The following ZFYVE28 variants were observed in gnomAD, a reference collection of about 807,000 sequenced individuals.
ZFYVE28 encodes zinc finger FYVE-type containing 28, also known as lateral signaling target protein 2 homolog.
A neutral mutation model predicts 82.1 loss-of-function variants in ZFYVE28; 40 were observed. The ratio of observed to expected loss-of-function variants is 0.49; its 90% CI spans 0.38 to 0.63. ZFYVE28 has a LOEUF of 0.63. ZFYVE28 is among the 30% of genes least tolerant of loss of function. ZFYVE28 has a pLI of 0.00. For missense variants in ZFYVE28, 1,321 were observed against 1,242.1 expected (o/e 1.06, Z -0.96); for synonymous variants, 612 against 546.1 (o/e 1.12, Z -1.68).
intron 7 of ZFYVE28, among the ~76,000 whole-genome samples, chr4:2,314,210 A>G (rs1008740901): frequency 5.3e-5 from 8 of 152,316 alleles, no homozygotes; most frequent in East Asian, 1.9e-4. Context: ...GATAAATATA[A>G]CTACAACAAC....
intron 2 of ZFYVE28, among the ~76,000 whole-genome samples, chr4:2,351,836 T>C (rs1297186388): frequency 6.6e-6 from 1 of 152,238 alleles, no homozygotes; most frequent in Non-Finnish European, 1.5e-5. Flanking sequence ...TGGGGTTGGA[T>C]TAATTTGTAG....
chr4:2,406,775 G>C (rs1046474239), intron 1 of ZFYVE28: 1 of 152,252 alleles, frequency 6.6e-6, no homozygotes, highest in South Asian at 2.1e-4. Context: ...TACAGCTTTA[G>C]TTTTTGCTTT....
Position 2,372,013 on chromosome 4 carries a change from G to T in ZFYVE28, c.40-17940C>A, listed in dbSNP as rs762844. ...AACTATGACAGTGATGGAGCTGGGGGCTGGCAGGGGTGCAAGGCCATGCAC... is the reference window on the plus strand; with the variant it reads ...AACTATGACAGTGATGGAGCTGGGGTCTGGCAGGGGTGCAAGGCCATGCAC... On this transcript the variant is annotated intron_variant, in intron 1 of 12. Transcript: ENST00000290974. This position sits in a 1 kb window ranked among gnomAD's most constrained non-coding sequence, Gnocchi z 5.2. Among the ~76,000 whole-genome samples, 99,164 of 152,072 alleles carry T rather than the reference G, an allele frequency of 0.65. 32,642 individuals carry two copies. Among genetic ancestry groups the T allele is most frequent in the East Asian group, 0.8 (4,112 of 5,152 alleles).
At chr4:2,342,838 C>T (rs1723014440) in intron 2 of ZFYVE28, 1 of 152,084 alleles carries the variant, frequency 6.6e-6, no homozygotes, top group Non-Finnish European at 1.5e-5. Flanking sequence ...AAAACTGGAA[C>T]CAATGGGAAA....
chr4:2,344,832 A>T (rs1297820228), intron 2 of ZFYVE28, among the ~76,000 whole-genome samples: 1 of 151,284 alleles, frequency 6.6e-6, no homozygotes, highest in African/African-American at 2.4e-5. Flanking sequence ...GGAGGTGGAG[A>T]TTGCGGTGAG....
intron 8 of ZFYVE28, chr4:2,285,872 C>T (rs1450375073): frequency 2.0e-5 from 3 of 149,624 alleles, no homozygotes; most frequent in Non-Finnish European, 4.4e-5. Flanking sequence ...CTGTGGTCCC[C>T]ACAGGCAGGC....
chr4:2,274,068 T>C lies in ZFYVE28; in HGVS notation c.2200A>G (p.Ile734Val). 6.2e-7 allele frequency: 1 copy of C among 1,613,998 alleles called. No individual in the cohort carries two copies. Among genetic ancestry groups the C allele is most frequent in the Non-Finnish European group, 8.5e-7 (1 of 1,179,968 alleles). Reference protein sequence around the residue: ...HDLIHRLFVCISGVADQLQTN... With the variant: ...HDLIHRLFVCVSGVADQLQTN... ...TCAGGCCCTGACATGACACCTGAAA[T>C]GCAGACGAACAGGCGGTGGATGAGG... Residue 734 changes from isoleucine to valine, a missense_variant, in exon 9 of 13, where the codon ATT becomes GTT. Around this residue, in one of 2 missense-constraint regions of ZFYVE28, gnomAD observed 978 missense variants for 833.7 expected, o/e 1.17. Coordinates refer to ENST00000290974, the MANE Select transcript of ZFYVE28 (RefSeq NM_020972.3).
intron 2 of ZFYVE28, among the ~76,000 whole-genome samples, chr4:2,353,679 G>A (rs1357216373): frequency 1.3e-5 from 2 of 151,894 alleles, no homozygotes; most frequent in East Asian, 1.9e-4. Flanking sequence ...TGCTCACTCC[G>A]CACCCCCTGC....
chr4:2,297,770 A>C (rs1186445122), intron 8 of ZFYVE28, among the ~76,000 whole-genome samples: 2 of 151,542 alleles, frequency 1.3e-5, no homozygotes, highest in African/African-American at 4.9e-5. Flanking sequence ...ACAGTGACAC[A>C]GTGACACGGC....
At chr4:2,322,844 C>T (rs1016529974) in intron 6 of ZFYVE28, among the ~76,000 whole-genome samples, 10 of 152,168 alleles carry the variant, frequency 6.6e-5, no homozygotes, top group African/African-American at 9.7e-5. Context: ...TCACATAATA[C>T]GTGACCTTTG....
At chr4:2,368,226 A>AAAAAAAAAAC (rs1553856593) in intron 1 of ZFYVE28, among the ~76,000 whole-genome samples, 10 of 150,190 alleles carry the variant, frequency 6.7e-5, no homozygotes, top group African/African-American at 2.5e-4. Context: ...AAAAAAAAAA[A>AAAAAAAAAAC]AAAACACTGT....
intron 7 of ZFYVE28, among the ~76,000 whole-genome samples, chr4:2,308,675 A>AAGAAAG (rs1200372952): frequency 1.1e-5 from 1 of 93,146 alleles, no homozygotes; most frequent in Non-Finnish European, 2.3e-5. Context: ...GAAAGAAAGA[A>AAGAAAG]AGAGAAAGAA....
rs967352106 is a variant in ZFYVE28, at chr4:2,341,837, T to C, written c.181-222A>G. ...GAGTTTGAGACCAGCCTGGCCAACA[T>C]GGCGAAACCCCATCTCTACTAAAAA... On this transcript the variant is annotated intron_variant, in intron 2 of 12. Transcript: ENST00000290974. The surrounding 1 kb of genome is among the most constrained non-coding windows in gnomAD (Gnocchi z 4.5). 1.7e-4 allele frequency among the ~76,000 whole-genome samples: 26 copies of C among 152,158 alleles called. No individual in the cohort carries two copies. Among genetic ancestry groups the C allele is most frequent in the Non-Finnish European group, 3.1e-4 (21 of 68,026 alleles).
rs532995191 is a variant in ZFYVE28, at chr4:2,304,714, G to A, written c.1626C>T (p.Ala542=). ...ATQEAASEPV[A]EGMDGGPHKL... ...TGTGGGGGCCGCCATCCATCCCCTC[G>A]GCCACGGGCTCCGAGGCGGCCTCCT... is the stretch of plus-strand genomic sequence containing the variant. Residue 542 remains alanine, a synonymous_variant, in exon 8 of 13, where the codon GCC becomes GCT. Transcript: ENST00000290974. The A allele has an allele frequency of 1.1e-4, 176 of 1,612,640 alleles. No homozygotes were observed. Among genetic ancestry groups the A allele is most frequent in the East Asian group, 7.4e-4 (33 of 44,882 alleles).
At chr4:2,355,968 C>T (rs1314093763) in intron 1 of ZFYVE28, among the ~76,000 whole-genome samples, 2 of 152,226 alleles carry the variant, frequency 1.3e-5, no homozygotes, top group East Asian at 1.9e-4. Flanking sequence ...AGTTCGAATG[C>T]GCTGGCCGTG....
At chr4:2,388,499 T>C (rs1425087907) in intron 1 of ZFYVE28, among the ~76,000 whole-genome samples, 2 of 152,142 alleles carry the variant, frequency 1.3e-5, no homozygotes, top group Admixed American at 6.6e-5. Context: ...TACCAGGGCC[T>C]TTCTAGAGCA....
chr4:2,397,410 G>A (rs1305299701), intron 1 of ZFYVE28, among the ~76,000 whole-genome samples: 2 of 151,236 alleles, frequency 1.3e-5, no homozygotes, highest in Non-Finnish European at 2.9e-5. Flanking sequence ...CCCAGGAGGT[G>A]GAGCTTGCAG....
rs145344443 is a variant in ZFYVE28 at position 2,312,011 on chromosome 4, A to G, written c.804-6475T>C. Among the ~76,000 whole-genome samples the G allele has an allele frequency of 2.8e-3, 431 of 152,358 alleles. 25 individuals carry two copies. The East Asian group carries it at 0.067, about 24-fold the overall frequency. On this transcript the variant is annotated intron_variant, in intron 7 of 12. Coordinates refer to ENST00000290974, the MANE Select transcript of ZFYVE28 (RefSeq NM_020972.3). The stretch of plus-strand genomic sequence containing the variant: ...GGCAAATTAGATAAGAGGATGAAGA[A>G]TTTAAACAGATAATTGGAATCAATA...
intron 7 of ZFYVE28, chr4:2,319,141 G>C (rs981486115): frequency 1.3e-5 from 2 of 152,342 alleles, no homozygotes; most frequent in Non-Finnish European, 2.9e-5. Context: ...CCATATGTGG[G>C]GCAGGGGGTG....
Sources: gnomAD v4.1 joint callset for allele counts (sites outside exome capture counted in the v4.1 genomes callset) on GRCh38, gnomAD v4.1.1 for gene constraint, gnomAD v4.1.1 regional missense constraint, Gnocchi (gnomAD v3.1) non-coding constraint, MANE v1.5 for transcripts, NCBI Gene and HGNC (gene_info 2026-07-23, HGNC 2026-07-21) for gene names.